The following CRYZ variants were observed in gnomAD, a reference collection of about 807,000 sequenced individuals.
CRYZ encodes the protein crystallin zeta, also known as zeta-crystallin.
Under a neutral mutation model 34.1 loss-of-function variants are expected in CRYZ, and 35 were observed. The observed-to-expected ratio is 1.03, with a 90% CI of 0.78 to 1.36. The LOEUF (loss-of-function observed/expected upper bound fraction) is 1.36. CRYZ is among the 40% of genes most tolerant of loss of function. The pLI, the probability that CRYZ is intolerant of heterozygous loss-of-function variation, is 0.00. For missense variants in CRYZ, 403 were observed against 391.8 expected (o/e 1.03, Z -0.24); for synonymous variants, 137 against 136.5 (o/e 1.00, Z -0.03).
intron 4 of CRYZ, among the ~76,000 whole-genome samples, chr1:74,717,364 C>CA (rs1647091852): frequency 1.3e-5 from 2 of 152,176 alleles, no homozygotes; most frequent in African/African-American, 2.4e-5. Flanking sequence ...TCAATCCACT[C>CA]AGTCAAGCTC....
chr1:74,706,056 C>A lies in CRYZ; in HGVS notation c.*240G>T. ...TGGAATGCACACTCATGCCAAATGA[C>A]AACTAACATGTTATTTCCTACTATG... On this transcript the variant is annotated 3_prime_UTR_variant, in exon 9 of 9. Transcript: ENST00000340866. 1 of 365,820 alleles carries A rather than the reference C, an allele frequency of 2.7e-6. No individual in the cohort carries two copies. 22.7% of individuals were successfully genotyped at this position (365,820 alleles called of 1,614,324 possible).
intron 4 of CRYZ, 94 bp from the exon 5 acceptor site, chr1:74,714,724 T>C: frequency 8.0e-7 from 1 of 1,247,842 alleles, no homozygotes; most frequent in Non-Finnish European, 1.2e-6. Context: ...ACCCCTAGTC[T>C]GGCTAACACT....
At chr1:74,724,109 G>A (rs1647220794) in intron 2 of CRYZ, among the ~76,000 whole-genome samples, 1 of 152,158 alleles carries the variant, frequency 6.6e-6, no homozygotes, top group African/African-American at 2.4e-5. Context: ...GACAAAAGCT[G>A]ATGTTGTTAC....
rs564630066 is a variant in CRYZ, at chr1:74,726,553, G to A, written c.-13-1719C>T. ...CCTAGGCCTCTGGCCTGTGATGAGAGCGACTGCCGCAAAGGCCTCTGACAT... is the reference window on the plus strand; with the variant it reads ...CCTAGGCCTCTGGCCTGTGATGAGAACGACTGCCGCAAAGGCCTCTGACAT... On this transcript the variant is annotated intron_variant, in intron 1 of 8. Transcript: ENST00000340866. Among the ~76,000 whole-genome samples, 196 of 152,320 alleles carry A rather than the reference G, an allele frequency of 1.3e-3. 3 individuals are homozygous for A. The highest frequency in any genetic ancestry group is 0.01 in the Middle Eastern group (3 of 294).
chr1:74,711,578 T>C (rs1647004156), intron 5 of CRYZ, among the ~76,000 whole-genome samples: 1 of 152,172 alleles, frequency 6.6e-6, no homozygotes, highest in African/African-American at 2.4e-5. Flanking sequence ...GAACACTAAG[T>C]TTGTGAAAAT....
At chr1:74,719,129 T>A (rs552823148) in intron 4 of CRYZ, 80 bp downstream of exon 4, 2 of 1,407,146 alleles carry the variant, frequency 1.4e-6, no homozygotes, top group African/African-American at 2.8e-5. Flanking sequence ...AACAGATGGA[T>A]GGACAGACAG....
rs1183839428 is a variant in CRYZ, at chr1:74,710,170, T to C, written c.558A>G (p.Gln186=). 1 of 1,613,940 alleles carries C rather than the reference T, an allele frequency of 6.2e-7. No individual in the cohort carries two copies. The highest frequency in any genetic ancestry group is 1.1e-5 in the South Asian group (1 of 91,072). The change falls in exon 6 of 9, where the codon CAA becomes CAG. Residue 186 remains glutamine, a synonymous_variant. Transcript: ENST00000340866. ...GGGCTCCATTTTGCAAAACAATCTT[T>C]TGTCCTTCCTCAGTACCAGCAGTGC... ...ILGTAGTEEG[Q]KIVLQNGAHE...
At chr1:74,724,669 C>T (rs1199893809) in intron 2 of CRYZ, 42 bp downstream of exon 2, 9 of 1,205,818 alleles carry the variant, frequency 7.5e-6, no homozygotes, top group Non-Finnish European at 1.1e-5. Flanking sequence ...GAGACTCACA[C>T]TCAGTATAAT....
intron 1 of CRYZ, among the ~76,000 whole-genome samples, chr1:74,727,635 ACT>A (rs1341931248): frequency 1.3e-3 from 129 of 101,256 alleles, no homozygotes; most frequent in Non-Finnish European, 1.5e-3. Context: ...ACACAGCGAG[ACT>A]CTGTCTCAAA....
chr1:74,725,002 T>G (rs1647262099), intron 1 of CRYZ, among the ~76,000 whole-genome samples, 168 bp from the exon 2 acceptor site: 1 of 152,196 alleles, frequency 6.6e-6, no homozygotes, highest in Non-Finnish European at 1.5e-5. Context: ...TACAAATCCC[T>G]CAGCTATAAA....
At chr1:74,710,740 T>C (rs1646990948) in intron 5 of CRYZ, among the ~76,000 whole-genome samples, 1 of 152,224 alleles carries the variant, frequency 6.6e-6, no homozygotes. Context: ...GAGATAGGTA[T>C]ATGGGCAAAT....
Position 74,710,222 on chromosome 1 carries a change from G to T in CRYZ, c.506C>A (p.Ala169Asp), listed in dbSNP as rs767180797. The change falls in exon 6 of 9, where the codon GCT becomes GAT. Residue 169 changes from alanine to aspartate, a missense_variant. Coordinates refer to ENST00000340866, the MANE Select transcript of CRYZ (RefSeq NM_001889.4). ...GGVGLAACQIARAYGLKILGT... is the reference protein window; with the variant it reads ...GGVGLAACQIDRAYGLKILGT... ...CAAAATCTTTAAGCCATAAGCTCTA[G>T]CAATTTGGCATGCTGCTAATCCAAC... The T allele has an allele frequency of 2.5e-6, 4 of 1,613,560 alleles. No homozygotes were observed. The South Asian group carries it at 4.4e-5, about 18-fold the overall frequency.
In CRYZ at chr1:74,714,584, C is replaced by T. The variant is rs1404658109; in HGVS notation, c.475G>A (p.Gly159Arg). ...ACATTAAAAAAAATACTTACTCCTC[C>T]ACTTGCCCCATGAACCAGAACACTC... The part of the protein sequence containing the change: ...GESVLVHGAS[G>R]GVGLAACQIA... The change falls in exon 5 of 9, where the codon GGA (glycine) becomes AGA (arginine). Residue 159 changes from glycine (G) to arginine (R), a missense_variant. Physicochemically the swap from Gly to Arg is moderately radical, Grantham distance 125. Coordinates refer to ENST00000340866, the MANE Select transcript of CRYZ (RefSeq NM_001889.4). 2 of 1,613,612 alleles carry T rather than the reference C, an allele frequency of 1.2e-6. No homozygotes were observed. Among genetic ancestry groups the T allele is most frequent in the South Asian group, 2.2e-5 (2 of 91,064 alleles).
chr1:74,712,556 T>C (rs1335917454), intron 5 of CRYZ, among the ~76,000 whole-genome samples: 1 of 152,128 alleles, frequency 6.6e-6, no homozygotes, highest in African/African-American at 2.4e-5. Context: ...GTATGGCACA[T>C]GGGAATAACG....
At chr1:74,710,501 C>A (rs930220740) in intron 5 of CRYZ, among the ~76,000 whole-genome samples, 4 of 152,132 alleles carry the variant, frequency 2.6e-5, no homozygotes, top group African/African-American at 9.7e-5. Context: ...CTATTATTGT[C>A]CCTATTGTAC....
At chr1:74,718,762 G>A (rs1557728043) in intron 4 of CRYZ, among the ~76,000 whole-genome samples, 3 of 143,124 alleles carry the variant, frequency 2.1e-5, no homozygotes, top group Admixed American at 6.7e-5. Flanking sequence ...AGGGTCTGGG[G>A]TAGGGCCCAA....
chr1:74,712,063 G>A (rs911770292), intron 5 of CRYZ, among the ~76,000 whole-genome samples: 9 of 152,158 alleles, frequency 5.9e-5, no homozygotes, highest in South Asian at 2.1e-4. Flanking sequence ...TGCTGGGATT[G>A]TAAGAAATCA....
chr1:74,731,403 A>G (rs1285414374), intron 1 of CRYZ, among the ~76,000 whole-genome samples: 1 of 152,196 alleles, frequency 6.6e-6, no homozygotes, highest in East Asian at 1.9e-4. Flanking sequence ...AAAACTGAAA[A>G]CTTAGAAAAA....
At chr1:74,719,545 G>C (rs1041133641) in intron 3 of CRYZ, among the ~76,000 whole-genome samples, 173 bp from the exon 4 acceptor site, 1 of 151,608 alleles carries the variant, frequency 6.6e-6, no homozygotes, top group Non-Finnish European at 1.5e-5. Flanking sequence ...ACCCAGGCTG[G>C]AGTGCAATGG....
Sources: allele counts gnomAD v4.1 joint callset (sites outside exome capture counted in the v4.1 genomes callset), GRCh38; gene constraint gnomAD v4.1.1; transcripts MANE v1.5; gene names NCBI Gene and HGNC (gene_info 2026-07-23, HGNC 2026-07-21).